KIAA1217: variants seen among roughly 807,000 people sequenced by gnomAD.
KIAA1217 encodes the protein sickle tail protein homolog.
Under a neutral mutation model 163.9 loss-of-function variants are expected in KIAA1217, and 88 were observed. The observed-to-expected ratio is 0.54, with a 90% CI of 0.45 to 0.64. The LOEUF (loss-of-function observed/expected upper bound fraction) is 0.64, where lower values mean the gene tolerates loss of function less well. Among genes scored for constraint, KIAA1217 ranks in the 30% least tolerant of loss-of-function variants. KIAA1217 has a pLI of 0.00. For missense variants in KIAA1217, 2,372 were observed against 2,475.0 expected, an observed-to-expected ratio of 0.96 and a Z score of 0.88; for synonymous variants, 903 against 923.1, an observed-to-expected ratio of 0.98 and a Z score of 0.39.
At chr10:23,869,082 G>T (rs1166063796) in intron 1 of KIAA1217, among the ~76,000 whole-genome samples, 1 of 147,040 alleles carries the variant, frequency 6.8e-6, no homozygotes, top group Non-Finnish European at 1.5e-5. Context: ...TTTCAGTCCA[G>T]GGTATATACA....
intron 2 of KIAA1217, among the ~76,000 whole-genome samples, chr10:24,376,430 A>G (rs10828644): frequency 0.17 from 26,197 of 152,118 alleles, 2,714 homozygotes; most frequent in East Asian, 0.37. Flanking sequence ...TTTTTGGCAG[A>G]AGCTGAACTA....
chr10:24,426,335 G>A (rs778862223), intron 3 of KIAA1217, among the ~76,000 whole-genome samples: 8 of 151,978 alleles, frequency 5.3e-5, no homozygotes, highest in South Asian at 2.1e-4. Flanking sequence ...TAAAAGCCAC[G>A]CTTGCAGCCA....
At chr10:24,200,670 G>A (rs889711934) in intron 2 of KIAA1217, among the ~76,000 whole-genome samples, 2 of 152,092 alleles carry the variant, frequency 1.3e-5, no homozygotes, top group African/African-American at 2.4e-5. Flanking sequence ...TTTCATATTC[G>A]AATTCTGTAA....
chr10:24,088,256 C>CATATATATATATAT (rs758367708), intron 2 of KIAA1217, among the ~76,000 whole-genome samples: 28 of 95,858 alleles, frequency 2.9e-4, no homozygotes, highest in African/African-American at 8.4e-4. Context: ...TTTTAATATA[C>CATATATATATATAT]ATATATATAT....
intron 2 of KIAA1217, among the ~76,000 whole-genome samples, chr10:24,220,655 C>T (rs530354393): frequency 1.1e-4 from 16 of 150,546 alleles, no homozygotes; most frequent in African/African-American, 3.2e-4. Flanking sequence ...GGTGTTTCAT[C>T]GTGTTACCCA....
chr10:23,993,772 G>T (rs570857671), intron 1 of KIAA1217, among the ~76,000 whole-genome samples: 1 of 151,690 alleles, frequency 6.6e-6, no homozygotes. Flanking sequence ...AGAAAACGGG[G>T]TTTCACCATT....
intron 2 of KIAA1217, among the ~76,000 whole-genome samples, chr10:24,163,513 T>C (rs531465776): frequency 6.6e-6 from 1 of 152,364 alleles, no homozygotes; most frequent in South Asian, 2.1e-4. Flanking sequence ...TTCCCTTGTT[T>C]TAAAGTAATA....
intron 2 of KIAA1217, among the ~76,000 whole-genome samples, chr10:24,244,737 C>G (rs7083665): frequency 0.39 from 58,261 of 151,298 alleles, 11,458 homozygotes; most frequent in East Asian, 0.56. Flanking sequence ...GCTAATTTTT[C>G]TAATTTTAGT....
intron 1 of KIAA1217, among the ~76,000 whole-genome samples, chr10:23,955,214 C>G (rs1335045323): frequency 1.3e-5 from 2 of 152,138 alleles, no homozygotes; most frequent in African/African-American, 4.8e-5. Context: ...GTGACTGGCT[C>G]CAGAGTCCAA....
chr10:23,909,500 A>G (rs1842335595), intron 1 of KIAA1217, among the ~76,000 whole-genome samples: 2 of 151,744 alleles, frequency 1.3e-5, no homozygotes, highest in Admixed American at 6.6e-5. Flanking sequence ...CTAAATGCAT[A>G]CCTTCCGAAT....
At chr10:24,064,455 A>G (rs527446405) in intron 2 of KIAA1217, among the ~76,000 whole-genome samples, 15 of 152,194 alleles carry the variant, frequency 9.9e-5, no homozygotes, top group Admixed American at 7.2e-4. Context: ...ATTGATTTGC[A>G]TATGTTGAAC....
rs11318554 is a variant in KIAA1217, at chr10:24,349,132, C to CA, written c.355-31716dup. On this transcript the variant is annotated intron_variant, in intron 2 of 20. Coordinates refer to ENST00000376454, the MANE Select transcript of KIAA1217 (RefSeq NM_019590.5). ...AGGGCAACAGAATAAGACCCTGTCT[C>CA]AAAAAAAAAAAAAAAAAAAAAGAGA... 5.3e-3 allele frequency among the ~76,000 whole-genome samples: 558 copies of CA among 105,430 alleles called. 4 individuals carry two copies. The highest frequency in any genetic ancestry group is 0.02 in the Middle Eastern group (4 of 202). 69.2% of individuals were successfully genotyped at this position (105,430 alleles called of 152,430 possible). A position where few individuals can be genotyped will look rare whatever the true frequency, so the allele number is the denominator to read the frequency against.
intron 2 of KIAA1217, among the ~76,000 whole-genome samples, chr10:24,230,869 A>C (rs1382152284): frequency 6.6e-6 from 1 of 152,196 alleles, no homozygotes; most frequent in Non-Finnish European, 1.5e-5. Context: ...GGCACAAAGC[A>C]GTTCAGGCTT....
chr10:23,941,638 TA>T (rs1234684173), intron 1 of KIAA1217, among the ~76,000 whole-genome samples: 1 of 152,088 alleles, frequency 6.6e-6, no homozygotes, highest in Non-Finnish European at 1.5e-5. Flanking sequence ...CATATTTGCA[TA>T]AAAAATCCCC....
chr10:24,452,731 C>T (rs184222863), intron 5 of KIAA1217, among the ~76,000 whole-genome samples: 278 of 146,962 alleles, frequency 1.9e-3, no homozygotes, highest in Non-Finnish European at 3.6e-3. Flanking sequence ...TTTGCTAGCA[C>T]AACAGAATGC....
chr10:24,411,541 T>C (rs1003654773), intron 3 of KIAA1217, among the ~76,000 whole-genome samples: 4 of 152,220 alleles, frequency 2.6e-5, no homozygotes, highest in African/African-American at 9.7e-5. Context: ...CAGGATATAC[T>C]TGGTGAATTC....
intron 1 of KIAA1217, among the ~76,000 whole-genome samples, chr10:23,726,297 G>C (rs1838127271): frequency 1.4e-5 from 2 of 138,284 alleles, no homozygotes; most frequent in Admixed American, 1.4e-4. Context: ...ATTTGAGCAT[G>C]AGTTTGGTTT....
intron 2 of KIAA1217, among the ~76,000 whole-genome samples, chr10:24,070,627 C>A (rs536672122): frequency 6.6e-6 from 1 of 152,020 alleles, no homozygotes; most frequent in Non-Finnish European, 1.5e-5. Context: ...TTGAAGAAAC[C>A]CAAAAGTTAA....
At chr10:24,132,870 A>G (rs2063704370) in intron 2 of KIAA1217, among the ~76,000 whole-genome samples, 1 of 152,190 alleles carries the variant, frequency 6.6e-6, no homozygotes, top group Non-Finnish European at 1.5e-5. Flanking sequence ...CCATTTTGAG[A>G]ACTTGACACA....
Sources: gnomAD v4.1 joint callset for allele counts (sites outside exome capture counted in the v4.1 genomes callset) on GRCh38, gnomAD v4.1.1 for gene constraint, MANE v1.5 for transcripts, NCBI Gene and HGNC (gene_info 2026-07-23, HGNC 2026-07-21) for gene names.